Variants in PTPRM observed in about 807,000 individuals in gnomAD.
The protein encoded by PTPRM is receptor-type tyrosine-protein phosphatase mu.
In PTPRM, 47 loss-of-function variants were observed where a neutral mutation model predicts 186.7. The ratio of observed to expected loss-of-function variants is 0.25; its 90% confidence interval spans 0.20 to 0.32. PTPRM has a LOEUF of 0.32. PTPRM is among the 10% of genes least tolerant of loss of function. The pLI is 1.00. For missense variants in PTPRM, 1,494 were observed against 1,865.0 expected (o/e 0.80, Z 3.66); for synonymous variants, 668 against 674.9 (o/e 0.99, Z 0.16).
At chr18:7,845,685 G>A (rs1299588382) in intron 2 of PTPRM, among the ~76,000 whole-genome samples, 1 of 151,854 alleles carries the variant, frequency 6.6e-6, no homozygotes, top group Non-Finnish European at 1.5e-5. Context: ...TTTTATTTTT[G>A]CCCTTCGTAT....
chr18:7,839,820 A>T (rs865796093), intron 2 of PTPRM, among the ~76,000 whole-genome samples: 25 of 152,054 alleles, frequency 1.6e-4, no homozygotes, highest in African/African-American at 6.0e-4. Context: ...GTTCCAGAGT[A>T]CTTTAACTTG....
chr18:8,398,262 G>A lies in PTPRM; in HGVS notation c.4344+3651G>A, dbSNP rs2095854573. ...GCCTCTCAAAATGCTGGGATTACAG[G>A]CATGAGCCACAGTGCCTGGCCTGGC... On this transcript the variant is annotated intron_variant, in intron 32 of 32. Coordinates refer to ENST00000580170, the MANE Select transcript of PTPRM (RefSeq NM_001105244.2). Among the ~76,000 whole-genome samples the A allele has an allele frequency of 2.0e-5, 3 of 152,130 alleles. No individual in the cohort carries two copies. In the South Asian group the frequency reaches 6.2e-4, roughly 32 times the overall value.
At chr18:8,344,448 G>GTGTGTGTATATATA (rs1360655194) in intron 23 of PTPRM, among the ~76,000 whole-genome samples, 75 of 33,424 alleles carry the variant, frequency 2.2e-3, no homozygotes, top group African/African-American at 5.5e-3. Flanking sequence ...GTGTGTGTGT[G>GTGTGTGTATATATA]TATATATATA....
chr18:8,263,790 G>A (rs1350165991), intron 19 of PTPRM, among the ~76,000 whole-genome samples: 1 of 152,162 alleles, frequency 6.6e-6, no homozygotes, highest in Non-Finnish European at 1.5e-5. Flanking sequence ...GCTGGGTGGT[G>A]GCACATCCAC....
chr18:8,347,584 G>T (rs1267690333), intron 23 of PTPRM, among the ~76,000 whole-genome samples: 1 of 152,184 alleles, frequency 6.6e-6, no homozygotes, highest in Non-Finnish European at 1.5e-5. Context: ...TGCAGTGGTG[G>T]TCGCTGTTCC....
intron 1 of PTPRM, among the ~76,000 whole-genome samples, chr18:7,740,213 C>T (rs1162869969): frequency 6.6e-6 from 1 of 152,024 alleles, no homozygotes; most frequent in Admixed American, 6.6e-5. Flanking sequence ...TTGAAGCAGG[C>T]CTGTGACCCT....
At chr18:8,281,671 C>A (rs2094905707) in intron 19 of PTPRM, among the ~76,000 whole-genome samples, 1 of 152,146 alleles carries the variant, frequency 6.6e-6, no homozygotes, top group South Asian at 2.1e-4. Flanking sequence ...CCTCCCTGTT[C>A]ACTCATTTAG....
At chr18:7,638,881 A>C (rs1195725648) in intron 1 of PTPRM, among the ~76,000 whole-genome samples, 1 of 152,144 alleles carries the variant, frequency 6.6e-6, no homozygotes, top group African/African-American at 2.4e-5. Context: ...TTTCATTACG[A>C]CACTTCTAAA....
At chr18:8,352,653 G>GTTTTTTTTTTTTTTTTTTTT (rs1355276752) in intron 23 of PTPRM, among the ~76,000 whole-genome samples, 2 of 121,360 alleles carry the variant, frequency 1.6e-5, no homozygotes, top group Non-Finnish European at 1.8e-5. Flanking sequence ...TTTTGGTTTG[G>GTTTTTTTTTTTTTTTTTTTT]TTTTTTTTGT....
intron 31 of PTPRM, among the ~76,000 whole-genome samples, chr18:8,389,837 G>C (rs568838647): frequency 4.1e-4 from 63 of 152,278 alleles, no homozygotes; most frequent in Non-Finnish European, 6.5e-4. Context: ...CCACCTAACG[G>C]CTGTGGGTGG....
intron 11 of PTPRM, among the ~76,000 whole-genome samples, chr18:8,095,265 T>G (rs1218194735): frequency 6.6e-6 from 1 of 151,884 alleles, no homozygotes; most frequent in Non-Finnish European, 1.5e-5. Context: ...AGAGAGGAGG[T>G]AACCCTGGGG....
chr18:7,802,203 A>C (rs1282302523), intron 2 of PTPRM, among the ~76,000 whole-genome samples: 2 of 152,154 alleles, frequency 1.3e-5, no homozygotes, highest in Non-Finnish European at 2.9e-5. Context: ...CAGTCCACTC[A>C]GCCTGTTTCA....
intron 1 of PTPRM, among the ~76,000 whole-genome samples, chr18:7,633,018 G>A (rs2038227408): frequency 6.6e-6 from 1 of 152,150 alleles, no homozygotes; most frequent in Non-Finnish European, 1.5e-5. Flanking sequence ...TGTCATTACA[G>A]CAGCAGTGTT....
intron 14 of PTPRM, among the ~76,000 whole-genome samples, chr18:8,231,406 T>C (rs920882779): frequency 4.6e-5 from 7 of 152,176 alleles, no homozygotes; most frequent in African/African-American, 1.4e-4. Context: ...TGATTTCTTC[T>C]TCCTTCCAGC....
Position 7,888,295 on chromosome 18 carries a change from T to C in PTPRM, c.386T>C (p.Ile129Thr). The C allele has an allele frequency of 1.2e-6, 2 of 1,614,154 alleles. No individual in the cohort carries two copies. The highest frequency in any genetic ancestry group is 1.7e-5 in the Admixed American group (1 of 60,018). ...AATAACGGGCCACTGGGGAATCCTA[T>C]CTGGAATATATCTGGAGACCCAACA... ...KVNNGPLGNP[I>T]WNISGDPTRT... The change falls in exon 3 of 33, where the codon ATC becomes ACC. Residue 129 changes from isoleucine to threonine, a missense_variant. By Grantham distance (89) the Ile-to-Thr change is moderately conservative. Transcript: ENST00000580170.
At chr18:8,277,752 A>G (rs915062162) in intron 19 of PTPRM, among the ~76,000 whole-genome samples, 1 of 152,234 alleles carries the variant, frequency 6.6e-6, no homozygotes, top group African/African-American at 2.4e-5. Flanking sequence ...TCACATTCTC[A>G]TGGCATGGTC....
rs151107455 is a variant in PTPRM, at chr18:8,005,257, A to T, written c.1132+49843A>T. 1.3e-3 allele frequency among the ~76,000 whole-genome samples: 191 copies of T among 152,338 alleles called. 2 individuals carry two copies. The highest frequency in any genetic ancestry group is 4.0e-3 in the African/African-American group (167 of 41,584). The stretch of plus-strand genomic sequence containing the variant: ...TGTTACAAATAAATCAAAAAAATTC[A>T]TAAACCCTCTCAAGTAGAGCCATCT... On this transcript the variant is annotated intron_variant, in intron 7 of 32. Coordinates refer to ENST00000580170, the MANE Select transcript of PTPRM (RefSeq NM_001105244.2).
chr18:8,118,724 C>T (rs373267672), intron 13 of PTPRM, among the ~76,000 whole-genome samples: 28 of 150,296 alleles, frequency 1.9e-4, no homozygotes, highest in African/African-American at 5.4e-4. Flanking sequence ...CACTTGACCC[C>T]GGGAGGCAGA....
At chr18:8,057,344 A>G (rs1202957753) in intron 7 of PTPRM, among the ~76,000 whole-genome samples, 1 of 151,886 alleles carries the variant, frequency 6.6e-6, no homozygotes, top group Non-Finnish European at 1.5e-5. Context: ...TTAAAACTTC[A>G]AAAACCCTAA....
Sources: allele counts gnomAD v4.1 joint callset (sites outside exome capture counted in the v4.1 genomes callset), GRCh38; gene constraint gnomAD v4.1.1; transcripts MANE v1.5; gene names NCBI Gene and HGNC (gene_info 2026-07-23, HGNC 2026-07-21).